Variants in CALN1 observed in about 807,000 individuals in gnomAD.
CALN1 encodes the protein calneuron 1, also known as calcium-binding protein 8.
Under a neutral mutation model 30.6 loss-of-function variants are expected in CALN1, and 17 were observed. The ratio of observed to expected loss-of-function variants is 0.56; its 90% CI spans 0.38 to 0.83. The LOEUF is 0.83. CALN1 is among the 40% of genes least tolerant of loss of function. The pLI, the probability that CALN1 is intolerant of heterozygous loss-of-function variation, is 0.00. For missense variants in CALN1, 291 were observed against 354.9 expected (o/e 0.82, Z 1.45); for synonymous variants, 156 against 131.4 (o/e 1.19, Z -1.28).
At chr7:71,966,686 C>T (rs1391060868) in intron 5 of CALN1, among the ~76,000 whole-genome samples, 2 of 152,174 alleles carry the variant, frequency 1.3e-5, no homozygotes, top group African/African-American at 4.8e-5. Context: ...AATTAAACCT[C>T]TCTTCTTTAT....
At chr7:72,203,186 G>C (rs552727604) in intron 3 of CALN1, among the ~76,000 whole-genome samples, 10 of 152,116 alleles carry the variant, frequency 6.6e-5, no homozygotes, top group African/African-American at 2.4e-4. Context: ...GGGCCTGTCG[G>C]GGGGTGAGGG....
intron 3 of CALN1, among the ~76,000 whole-genome samples, chr7:72,264,528 C>G (rs893504004): frequency 2.0e-5 from 3 of 150,274 alleles, no homozygotes; most frequent in Non-Finnish European, 2.9e-5. Flanking sequence ...GGGTCTCGCT[C>G]TGTTGCCCTG....
chr7:72,076,076 T>C (rs543766553), intron 4 of CALN1, among the ~76,000 whole-genome samples: 5 of 152,200 alleles, frequency 3.3e-5, no homozygotes, highest in South Asian at 2.1e-4. Flanking sequence ...CCTAGGCTAA[T>C]AGAGAAGCAA....
chr7:71,949,044 TAAAAAAAAA>T lies in CALN1; in HGVS notation c.501+74604_501+74612del, dbSNP rs34370568. Reference sequence around the variant, plus strand: ...AGTCACACAGCAAGACTCTGTCTCTTAAAAAAAAAAAAAAAAAAAAAAAAAAAAGAATTT... The same window carrying T: ...AGTCACACAGCAAGACTCTGTCTCTTAAAAAAAAAAAAAAAAAAAGAATTT... On this transcript the variant is annotated intron_variant, in intron 5 of 6. Transcript: ENST00000395275. Among the ~76,000 whole-genome samples, 259 of 66,932 alleles carry T rather than the reference TAAAAAAAAA, an allele frequency of 3.9e-3. 1 individual carries two copies. The highest frequency in any genetic ancestry group is 0.015 in the African/African-American group (246 of 16,318). The allele number at this position is 66,932 out of a possible 152,430, so 43.9% of individuals were successfully genotyped here.
rs78254625 is a variant in CALN1, at chr7:72,184,677, T to G, written c.245-78383A>C. Among the ~76,000 whole-genome samples, 7 of 152,300 alleles carry G rather than the reference T, an allele frequency of 4.6e-5. No individual in the cohort carries two copies. In the East Asian group the frequency reaches 7.7e-4, roughly 17 times the overall value. ...CACTGCTTCCTACTTTAATGTTCCA[T>G]TTTGCAGGAAAACACTCGAATTTAT... is the stretch of plus-strand genomic sequence containing the variant. On this transcript the variant is annotated intron_variant, in intron 3 of 6. Transcript: ENST00000395275.
At chr7:71,836,614 CTCTG>C (rs146611010) in intron 5 of CALN1, among the ~76,000 whole-genome samples, 5,310 of 146,148 alleles carry the variant, frequency 0.036, 332 homozygotes, top group African/African-American at 0.13. Flanking sequence ...CATTATTTCT[CTCTG>C]TCTCTTTTTT....
chr7:71,793,010 C>T (rs918501941), intron 6 of CALN1, among the ~76,000 whole-genome samples: 12 of 151,976 alleles, frequency 7.9e-5, no homozygotes, highest in African/African-American at 2.9e-4. Context: ...GTCCTATAAG[C>T]AGAGAGGAGC....
At chr7:72,054,194 C>T (rs1488390550) in intron 4 of CALN1, among the ~76,000 whole-genome samples, 1 of 151,828 alleles carries the variant, frequency 6.6e-6, no homozygotes, top group South Asian at 2.1e-4. Flanking sequence ...GGTAGTTCTA[C>T]ATTTAGTTCT....
chr7:72,364,807 G>C (rs1343937637), intron 2 of CALN1, among the ~76,000 whole-genome samples: 1 of 152,166 alleles, frequency 6.6e-6, no homozygotes, highest in Non-Finnish European at 1.5e-5. Flanking sequence ...AAATTGATTT[G>C]TTATTCAAAA....
intron 2 of CALN1, among the ~76,000 whole-genome samples, chr7:72,346,619 G>C (rs1802654088): frequency 1.3e-5 from 2 of 152,096 alleles, no homozygotes; most frequent in African/African-American, 2.4e-5. Flanking sequence ...AGGTTCAAGC[G>C]ATTCTCCTGC....
At chr7:72,055,928 G>A (rs1803227025) in intron 4 of CALN1, among the ~76,000 whole-genome samples, 1 of 152,194 alleles carries the variant, frequency 6.6e-6, no homozygotes, top group Non-Finnish European at 1.5e-5. Flanking sequence ...GGCTGAGGCA[G>A]GAGGATTGCT....
chr7:72,228,509 A>G (rs1793848173), intron 3 of CALN1, among the ~76,000 whole-genome samples: 1 of 151,732 alleles, frequency 6.6e-6, no homozygotes, highest in African/African-American at 2.4e-5. Flanking sequence ...ATGGTATATA[A>G]ACTATTCCTC....
chr7:72,209,109 C>T (rs1562739357), intron 3 of CALN1, among the ~76,000 whole-genome samples: 3 of 137,374 alleles, frequency 2.2e-5, no homozygotes, highest in African/African-American at 8.4e-5. Flanking sequence ...TGTCATTTCT[C>T]TCTTTTTTAC....
At chr7:71,900,603 A>G (rs1230325825) in intron 5 of CALN1, among the ~76,000 whole-genome samples, 1 of 152,222 alleles carries the variant, frequency 6.6e-6, no homozygotes, top group Non-Finnish European at 1.5e-5. Flanking sequence ...GCAGGTGGCT[A>G]AGAGCAACAC....
chr7:71,931,042 G>C lies in CALN1; in HGVS notation c.501+92615C>G, dbSNP rs540750095. Among the ~76,000 whole-genome samples, 18 of 152,230 alleles carry C rather than the reference G, an allele frequency of 1.2e-4. No individual in the cohort carries two copies. In the South Asian group the frequency reaches 2.5e-3, roughly 21 times the overall value. On this transcript the variant is annotated intron_variant, in intron 5 of 6. Coordinates refer to ENST00000395275, the MANE Select transcript of CALN1 (RefSeq NM_031468.4). ...TTGTGTGCCAGAAGGAAAAATCAAG[G>C]AAACTGTGGAGGTACTTAATAAGAG... is the stretch of plus-strand genomic sequence containing the variant.
the CALN1 span, among the ~76,000 whole-genome samples, chr7:72,501,362 G>A: frequency 1.2e-5 from 1 of 83,178 alleles, no homozygotes; most frequent in Non-Finnish European, 2.1e-5. Flanking sequence ...GTGAGGCCAC[G>A]TCTCTATTAA....
intron 3 of CALN1, among the ~76,000 whole-genome samples, chr7:72,142,751 C>T (rs556806944): frequency 9.2e-5 from 14 of 152,288 alleles, no homozygotes; most frequent in East Asian, 1.9e-4. Context: ...ACACCTCACA[C>T]GGCTGGGTAC....
rs145641052 is a variant in CALN1 at position 72,266,950 on chromosome 7, G to A, written c.244+11736C>T. Among the ~76,000 whole-genome samples the A allele has an allele frequency of 2.7e-4, 41 of 152,314 alleles. No individual in the cohort carries two copies. The East Asian group carries it at 7.9e-3, about 29-fold the overall frequency. On this transcript the variant is annotated intron_variant, in intron 3 of 6. Transcript: ENST00000395275. The stretch of plus-strand genomic sequence containing the variant: ...GTACCCAGGCAGATAAAAGACGTAT[G>A]TTGTAAAGCTAATTCCCAGCTCAGG...
chr7:72,460,238 T>A, the CALN1 span, among the ~76,000 whole-genome samples: 1,020 of 152,322 alleles, frequency 6.7e-3, 11 homozygotes, highest in African/African-American at 0.023. Context: ...GGGGATCACA[T>A]TTCAGCATGA....
Sources: allele counts gnomAD v4.1 joint callset (sites outside exome capture counted in the v4.1 genomes callset), GRCh38; gene constraint gnomAD v4.1.1; transcripts MANE v1.5; gene names NCBI Gene and HGNC (gene_info 2026-07-23, HGNC 2026-07-21).